The following ACER3 variants were observed in gnomAD, a reference collection of about 807,000 sequenced individuals.
The protein encoded by ACER3 is alkCDase 3.
ACER3 carries 16 observed loss-of-function variants against 48.9 expected under a neutral mutation model. That is an observed-to-expected ratio of 0.33 (90% CI 0.22 to 0.50). The LOEUF (loss-of-function observed/expected upper bound fraction) is 0.50, where lower values mean the gene tolerates loss of function less well. ACER3 is among the 20% of genes least tolerant of loss of function. The pLI is 0.98. For synonymous variants in ACER3, 109 were observed against 107.8 expected (o/e 1.01, Z -0.07); for missense variants, 227 against 326.0 (o/e 0.70, Z 2.34).
intron 4 of ACER3, among the ~76,000 whole-genome samples, chr11:76,983,213 T>C (rs747070232): frequency 5.3e-5 from 8 of 152,122 alleles, no homozygotes; most frequent in Non-Finnish European, 1.0e-4. Context: ...ACCATGAATG[T>C]GGTTCTTTAA....
intron 4 of ACER3, among the ~76,000 whole-genome samples, chr11:76,981,835 A>G (rs766164546): frequency 4.6e-5 from 7 of 152,232 alleles, no homozygotes; most frequent in Non-Finnish European, 7.3e-5. Context: ...TAAAGGGACC[A>G]TGGACATCTG....
At chr11:76,969,435 C>G (rs1310421575) in intron 3 of ACER3, among the ~76,000 whole-genome samples, 1 of 152,040 alleles carries the variant, frequency 6.6e-6, no homozygotes, top group African/African-American at 2.4e-5. Flanking sequence ...CCCAGCCATC[C>G]CATTATTGGG....
In ACER3 at chr11:76,870,613, T is replaced by A. The variant is rs140892996; in HGVS notation, c.103+9534T>A. 2.4e-3 allele frequency among the ~76,000 whole-genome samples: 366 copies of A among 152,310 alleles called. 1 individual carries two copies. The highest frequency in any genetic ancestry group is 4.3e-3 in the Non-Finnish European group (293 of 68,034). On this transcript the variant is annotated intron_variant, in intron 1 of 10. Transcript: ENST00000532485. Reference sequence around the variant, plus strand: ...ACCTTTTCATTATAAAGAAACCTTTTAAAAAATTTCTTTCATGGGTGCCAT... The same window carrying A: ...ACCTTTTCATTATAAAGAAACCTTTAAAAAAATTTCTTTCATGGGTGCCAT...
intron 2 of ACER3, chr11:76,957,541 T>C: frequency 2.3e-6 from 1 of 436,408 alleles, no homozygotes; most frequent in South Asian, 1.6e-5. Context: ...TTTCCCAGGT[T>C]TACGCGATCC....
chr11:76,901,726 T>G (rs1184763546), intron 1 of ACER3, among the ~76,000 whole-genome samples: 2 of 152,162 alleles, frequency 1.3e-5, no homozygotes, highest in South Asian at 2.1e-4. Flanking sequence ...GGGGACTGCA[T>G]GCACCGGTAA....
intron 7 of ACER3, among the ~76,000 whole-genome samples, chr11:77,005,444 G>C (rs1949115406): frequency 1.3e-5 from 2 of 152,032 alleles, no homozygotes; most frequent in African/African-American, 4.8e-5. Context: ...TCATGGGTCT[G>C]TATTCGATTC....
intron 1 of ACER3, among the ~76,000 whole-genome samples, chr11:76,881,975 A>T: frequency 6.9e-6 from 1 of 144,938 alleles, no homozygotes; most frequent in Non-Finnish European, 1.5e-5. Flanking sequence ...GTTCATTAGG[A>T]TCTGTTTAGG....
intron 5 of ACER3, among the ~76,000 whole-genome samples, chr11:76,986,030 T>C (rs116126532): frequency 0.021 from 3,227 of 152,324 alleles, 117 homozygotes; most frequent in African/African-American, 0.074. Flanking sequence ...TCCTATTTGT[T>C]AAAAATGAGA....
Position 77,020,441 on chromosome 11 carries a change from A to T in ACER3, c.*114A>T, listed in dbSNP as rs1949454339. On this transcript the variant is annotated 3_prime_UTR_variant, in exon 11 of 11. Transcript: ENST00000532485. ...TATGTCATGACCATCACAGCAGAGG[A>T]GTGACTTTCTGACTAATGCTGCCAC... 1 of 1,244,224 alleles carries T rather than the reference A, an allele frequency of 8.0e-7. No homozygotes were observed. 77.1% of individuals were successfully genotyped at this position (1,244,224 alleles called of 1,614,324 possible). A position where few individuals can be genotyped will look rare whatever the true frequency, so the allele number is the denominator to read the frequency against.
chr11:76,908,592 AAGAG>A (rs1565170850), intron 1 of ACER3, among the ~76,000 whole-genome samples: 1 of 152,302 alleles, frequency 6.6e-6, no homozygotes, highest in South Asian at 2.1e-4. Context: ...TCAAGGAAAT[AAGAG>A]AGGACACAAA....
At chr11:76,987,864 C>G (rs1386125086) in intron 5 of ACER3, among the ~76,000 whole-genome samples, 2 of 152,126 alleles carry the variant, frequency 1.3e-5, no homozygotes, top group Admixed American at 1.3e-4. Context: ...TGCTTGAGCC[C>G]GAGAGGTCAA....
rs1949475310 is a variant in ACER3 at position 77,021,662 on chromosome 11, G to T, written c.*1335G>T. ...TTTACCACATGATGACGTGACTCAGGATTAAATCCTGAGCTACAGTTTCAA... is the reference window on the plus strand; with the variant it reads ...TTTACCACATGATGACGTGACTCAGTATTAAATCCTGAGCTACAGTTTCAA... On this transcript the variant is annotated 3_prime_UTR_variant, in exon 11 of 11. Transcript: ENST00000532485. 1 of 152,082 alleles carries T rather than the reference G, an allele frequency of 6.6e-6. No homozygotes were observed. The highest frequency in any genetic ancestry group is 2.4e-5 in the African/African-American group (1 of 41,396). 9.4% of individuals were successfully genotyped at this position (152,082 alleles called of 1,614,324 possible).
intron 1 of ACER3, among the ~76,000 whole-genome samples, chr11:76,867,885 C>G (rs1469870855): frequency 1.3e-5 from 2 of 152,158 alleles, no homozygotes; most frequent in Non-Finnish European, 2.9e-5. Flanking sequence ...TTTGCTGCCT[C>G]TCTCCCCATC....
chr11:76,910,047 ACT>A (rs1360836992), intron 1 of ACER3, among the ~76,000 whole-genome samples: 1 of 148,652 alleles, frequency 6.7e-6, no homozygotes, highest in Non-Finnish European at 1.5e-5. Context: ...ACATGTTCTC[ACT>A]CATAAGTGAG....
At chr11:76,884,995 G>A (rs1201942461) in intron 1 of ACER3, among the ~76,000 whole-genome samples, 2 of 152,010 alleles carry the variant, frequency 1.3e-5, no homozygotes, top group Non-Finnish European at 2.9e-5. Flanking sequence ...AAACTCCTGG[G>A]CTCAAGTAAT....
At chr11:76,988,426 C>G (rs1187897547) in intron 5 of ACER3, among the ~76,000 whole-genome samples, 1 of 152,164 alleles carries the variant, frequency 6.6e-6, no homozygotes, top group African/African-American at 2.4e-5. Context: ...GGGGAGGCCT[C>G]TGGAAACTTA....
At chr11:76,972,412 C>A (rs1320050196) in intron 3 of ACER3, among the ~76,000 whole-genome samples, 2 of 151,994 alleles carry the variant, frequency 1.3e-5, no homozygotes, top group Non-Finnish European at 2.9e-5. Context: ...CTATTGATAT[C>A]CTTTGCCTAT....
chr11:76,864,522 A>AT (rs1314905679), intron 1 of ACER3, among the ~76,000 whole-genome samples: 1 of 152,156 alleles, frequency 6.6e-6, no homozygotes, highest in Middle Eastern at 3.4e-3. Flanking sequence ...TATTTTGTTT[A>AT]TAAAAATCAC....
chr11:76,964,040 G>A (rs571962099), intron 3 of ACER3, among the ~76,000 whole-genome samples: 5 of 151,558 alleles, frequency 3.3e-5, no homozygotes, highest in African/African-American at 1.2e-4. Flanking sequence ...GAAGTGCAAG[G>A]GGTCAGGGAA....
Sources: allele counts gnomAD v4.1 joint callset (sites outside exome capture counted in the v4.1 genomes callset), GRCh38; gene constraint gnomAD v4.1.1; transcripts MANE v1.5; gene names NCBI Gene and HGNC (gene_info 2026-07-23, HGNC 2026-07-21).